Variants in TMEM132C observed in about 807,000 individuals in gnomAD.
The protein encoded by TMEM132C is transmembrane protein 132C, also known as protein phosphatase 1, regulatory subunit 152.
In TMEM132C, 29 loss-of-function variants were observed where a neutral mutation model predicts 61.4. The ratio of observed to expected loss-of-function variants is 0.47; its 90% CI spans 0.35 to 0.64. The LOEUF (loss-of-function observed/expected upper bound fraction) is 0.64. Ranked by LOEUF, TMEM132C falls within the 30% of genes least tolerant of loss-of-function variation. TMEM132C has a pLI of 0.00. For missense variants in TMEM132C, 1,408 were observed against 1,476.9 expected (o/e 0.95, Z 0.76); for synonymous variants, 656 against 633.1 (o/e 1.04, Z -0.54).
chr12:128,444,790 C>G (rs1869916847), intron 2 of TMEM132C, among the ~76,000 whole-genome samples: 1 of 152,200 alleles, frequency 6.6e-6, no homozygotes, highest in South Asian at 2.1e-4. Flanking sequence ...GATGAGGTTT[C>G]TCTCTCTGTT....
chr12:128,502,961 G>A (rs958241106), intron 2 of TMEM132C, among the ~76,000 whole-genome samples: 8 of 152,184 alleles, frequency 5.3e-5, no homozygotes, highest in African/African-American at 1.9e-4. Context: ...CAGTCACAAA[G>A]CATTTTAGAA....
chr12:128,463,954 A>G (rs1422444366), intron 2 of TMEM132C, among the ~76,000 whole-genome samples: 1 of 152,172 alleles, frequency 6.6e-6, no homozygotes, highest in Non-Finnish European at 1.5e-5. Context: ...AACCTGTATC[A>G]TGTTAAACCA....
intron 4 of TMEM132C, among the ~76,000 whole-genome samples, chr12:128,622,358 AAAATATATATATATATATATATAT>A (rs1362201105): frequency 0.01 from 501 of 48,290 alleles, 35 homozygotes; most frequent in African/African-American, 0.056. Flanking sequence ...AAAAAAAAAA[AAAATATATATATATATATATATAT>A]ATATATATAT....
chr12:128,488,242 T>C (rs1361041209), intron 2 of TMEM132C, among the ~76,000 whole-genome samples: 1 of 152,234 alleles, frequency 6.6e-6, no homozygotes, highest in Non-Finnish European at 1.5e-5. Context: ...AACATTTCTC[T>C]CAACTCAGCC....
intron 1 of TMEM132C, among the ~76,000 whole-genome samples, chr12:128,408,866 C>T (rs551061899): frequency 6.6e-6 from 1 of 152,162 alleles, no homozygotes; most frequent in African/African-American, 2.4e-5. Flanking sequence ...CTTTGATCTG[C>T]TCGCCAGTGT....
chr12:128,669,550 A>G lies in TMEM132C; in HGVS notation c.1439A>G (p.Asp480Gly), dbSNP rs1438445002. The change falls in exon 5 of 9, where the codon GAC (aspartate) becomes GGC (glycine). Residue 480 changes from aspartate (D) to glycine (G), a missense_variant. Physicochemically the swap from Asp to Gly is moderately conservative, Grantham distance 94. Transcript: ENST00000435159. ...GTGGAGTGCAAGTCCACAGACGAGGACGTTATCAAAGTAAGTCATTCCACA... is the reference window on the plus strand; with the variant it reads ...GTGGAGTGCAAGTCCACAGACGAGGGCGTTATCAAAGTAAGTCATTCCACA... ...ESVECKSTDE[D>G]VIKVSERCDY... 7 of 1,551,296 alleles carry G rather than the reference A, an allele frequency of 4.5e-6. No individual in the cohort carries two copies. In the Admixed American group the frequency reaches 1.4e-4, roughly 30 times the overall value.
chr12:128,654,157 G>A (rs370474151), intron 4 of TMEM132C, among the ~76,000 whole-genome samples: 1 of 152,148 alleles, frequency 6.6e-6, no homozygotes, highest in African/African-American at 2.4e-5. Flanking sequence ...TTGGAAATAG[G>A]GTCTTTGCAG....
chr12:128,586,521 C>G (rs1337647691), intron 3 of TMEM132C, among the ~76,000 whole-genome samples: 1 of 152,060 alleles, frequency 6.6e-6, no homozygotes, highest in Non-Finnish European at 1.5e-5. Flanking sequence ...GGGATTTGGG[C>G]TTGTATTTTT....
At chr12:128,644,523 A>G (rs1954181393) in intron 4 of TMEM132C, among the ~76,000 whole-genome samples, 1 of 152,258 alleles carries the variant, frequency 6.6e-6, no homozygotes, top group Admixed American at 6.5e-5. Flanking sequence ...GTAGAATTCC[A>G]TTTAGATGAA....
chr12:128,672,306 TA>T (rs1223072274), intron 5 of TMEM132C, among the ~76,000 whole-genome samples: 1 of 152,056 alleles, frequency 6.6e-6, no homozygotes, highest in Non-Finnish European at 1.5e-5. Flanking sequence ...GCAAGCCCCC[TA>T]AAAGCCAGAA....
intron 4 of TMEM132C, among the ~76,000 whole-genome samples, chr12:128,629,970 T>TAAAAAAA (rs35956352): frequency 7.4e-6 from 1 of 135,018 alleles, no homozygotes. Flanking sequence ...CCGTCTAAAT[T>TAAAAAAA]AAAAAAAAAA....
chr12:128,493,320 C>T lies in TMEM132C; in HGVS notation c.975-50637C>T, dbSNP rs185124688. 4.8e-3 allele frequency among the ~76,000 whole-genome samples: 735 copies of T among 152,226 alleles called. 4 individuals are homozygous for T. The highest frequency in any genetic ancestry group is 8.3e-3 in the Non-Finnish European group (568 of 68,026). ...CTTTGTTCCTTTGGCTTAGGATTGT[C>T]TTCGCAATGTGGAATGTTTTTTGGT... On this transcript the variant is annotated intron_variant, in intron 2 of 8. Coordinates refer to ENST00000435159, the MANE Select transcript of TMEM132C (RefSeq NM_001136103.3).
chr12:128,388,917 C>A (rs1254425266), intron 1 of TMEM132C, among the ~76,000 whole-genome samples: 1 of 152,208 alleles, frequency 6.6e-6, no homozygotes. Context: ...TAAACACATA[C>A]CAGATACTGA....
intron 5 of TMEM132C, among the ~76,000 whole-genome samples, chr12:128,676,662 A>C (rs998345543): frequency 3.9e-5 from 6 of 152,222 alleles, no homozygotes; most frequent in African/African-American, 1.4e-4. Flanking sequence ...GCAAATCTAC[A>C]TACATACACA....
intron 1 of TMEM132C, among the ~76,000 whole-genome samples, chr12:128,377,458 GTGGTGT>G (rs1465324411): frequency 6.6e-6 from 1 of 152,218 alleles, no homozygotes; most frequent in Non-Finnish European, 1.5e-5. Context: ...CCACTGTCAG[GTGGTGT>G]TTTTCCCATT....
chr12:128,393,226 C>G (rs762529522), intron 1 of TMEM132C, among the ~76,000 whole-genome samples: 7 of 152,176 alleles, frequency 4.6e-5, no homozygotes, highest in Admixed American at 1.3e-4. Context: ...GAAATTGCCC[C>G]CCTTGCTCAC....
At chr12:128,292,327 G>T (rs556245005) in intron 1 of TMEM132C, among the ~76,000 whole-genome samples, 1 of 152,328 alleles carries the variant, frequency 6.6e-6, no homozygotes, top group East Asian at 1.9e-4. Context: ...GATTCCTGCT[G>T]TGTACAAGGG....
intron 4 of TMEM132C, among the ~76,000 whole-genome samples, chr12:128,637,420 G>A (rs1278450521): frequency 6.6e-6 from 1 of 152,182 alleles, no homozygotes; most frequent in Non-Finnish European, 1.5e-5. Context: ...GCTGCCATGG[G>A]GCTTGACCTC....
At chr12:128,321,575 G>A (rs1872336609) in intron 1 of TMEM132C, among the ~76,000 whole-genome samples, 1 of 152,066 alleles carries the variant, frequency 6.6e-6, no homozygotes, top group Admixed American at 6.5e-5. Flanking sequence ...TGGTGGGGGT[G>A]GACATACAAC....
Sources: allele counts gnomAD v4.1 joint callset (sites outside exome capture counted in the v4.1 genomes callset), GRCh38; gene constraint gnomAD v4.1.1; transcripts MANE v1.5; gene names NCBI Gene and HGNC (gene_info 2026-07-23, HGNC 2026-07-21).